The following ZC3H6 variants were observed in gnomAD, a reference collection of about 807,000 sequenced individuals.
The protein encoded by ZC3H6 is zinc finger CCCH domain-containing protein 6.
In ZC3H6, 40 loss-of-function variants were observed where a neutral mutation model predicts 107.7. The observed-to-expected ratio is 0.37, with a 90% CI of 0.29 to 0.48. The LOEUF is 0.48. ZC3H6 is among the 20% of genes least tolerant of loss of function. ZC3H6 has a pLI of 0.98. For synonymous variants in ZC3H6, 493 were observed against 487.9 expected, an observed-to-expected ratio of 1.01 and a Z score of -0.14; for missense variants, 1,267 against 1,410.4, an observed-to-expected ratio of 0.90 and a Z score of 1.63.
At chr2:112,328,413 AT>A (rs1676953574) in intron 11 of ZC3H6, among the ~76,000 whole-genome samples, 1 of 152,114 alleles carries the variant, frequency 6.6e-6, no homozygotes, top group South Asian at 2.1e-4. Context: ...GAATCTGTAG[AT>A]TGCTTTGGGT....
At chr2:112,287,814 G>C (rs1376674832) in intron 1 of ZC3H6, among the ~76,000 whole-genome samples, 2 of 152,236 alleles carry the variant, frequency 1.3e-5, no homozygotes, top group Non-Finnish European at 2.9e-5. Flanking sequence ...GTGTTAGCCA[G>C]GATGCTCTAG....
rs963233715 is a variant in ZC3H6, at chr2:112,336,476, A to C, written c.*3988A>C. 2.4e-4 allele frequency: 37 copies of C among 152,226 alleles called. No homozygotes were observed. The highest frequency in any genetic ancestry group is 8.7e-4 in the African/African-American group (36 of 41,464). 9.4% of individuals were successfully genotyped at this position (152,226 alleles called of 1,614,324 possible). ...TAAAATATATAAGCATTTGTAAACT[A>C]TAATTATAGTTTAAATAAGACTTAG... On this transcript the variant is annotated 3_prime_UTR_variant, in exon 12 of 12. Coordinates refer to ENST00000409871, the MANE Select transcript of ZC3H6 (RefSeq NM_198581.3).
At chr2:112,297,483 G>C (rs976181070) in intron 1 of ZC3H6, among the ~76,000 whole-genome samples, 3 of 152,128 alleles carry the variant, frequency 2.0e-5, no homozygotes, top group African/African-American at 7.2e-5. Context: ...AAACTATAGT[G>C]TTTTGGAAGT....
chr2:112,290,767 A>T (rs201513313), intron 1 of ZC3H6, among the ~76,000 whole-genome samples: 1 of 152,232 alleles, frequency 6.6e-6, no homozygotes. Flanking sequence ...ATGTCAGACA[A>T]TTGTGTACTT....
At chr2:112,291,864 C>T (rs1676126024) in intron 1 of ZC3H6, among the ~76,000 whole-genome samples, 2 of 151,906 alleles carry the variant, frequency 1.3e-5, no homozygotes, top group Admixed American at 1.3e-4. Context: ...ACTACAGGCA[C>T]CTGCCACCAC....
chr2:112,314,778 CAA>C (rs1676666137), intron 5 of ZC3H6, among the ~76,000 whole-genome samples: 1 of 152,082 alleles, frequency 6.6e-6, no homozygotes, highest in African/African-American at 2.4e-5. Flanking sequence ...GTTTGTGAAT[CAA>C]ATTTATATAG....
chr2:112,321,653 G>C, intron 7 of ZC3H6, 103 bp from the exon 8 acceptor site: 1 of 591,344 alleles, frequency 1.7e-6, no homozygotes, highest in Non-Finnish European at 2.9e-6. Flanking sequence ...TTACATAGCA[G>C]ATCTCTAGAA....
chr2:112,332,479 A>G lies in ZC3H6; in HGVS notation c.3561A>G (p.Pro1187=), dbSNP rs781621532. ...VFKTFDPTAS[P]FC ...AAACTTTTGATCCAACTGCTTCACC[A>G]TTTTGTTAGCTATTGTGTAACTGAG... The change falls in exon 12 of 12, where the codon CCA becomes CCG. Residue 1187 remains proline (P), a synonymous_variant. Transcript: ENST00000409871. 5.6e-6 allele frequency: 9 copies of G among 1,603,680 alleles called. No homozygotes were observed. Among genetic ancestry groups the G allele is most frequent in the Admixed American group, 1.7e-5 (1 of 58,850 alleles).
In ZC3H6 at chr2:112,275,943, G is replaced by A; in HGVS notation, c.-52G>A. 6.7e-7 allele frequency: 1 copy of A among 1,495,646 alleles called. No individual in the cohort carries two copies. Among genetic ancestry groups the A allele is most frequent in the Non-Finnish European group, 8.9e-7 (1 of 1,122,128 alleles). 92.6% of individuals were successfully genotyped at this position (1,495,646 alleles called of 1,614,324 possible). A position where few individuals can be genotyped will look rare whatever the true frequency, so the allele number is the denominator to read the frequency against. On this transcript the variant is annotated 5_prime_UTR_variant, in exon 1 of 12. Transcript: ENST00000409871. The stretch of plus-strand genomic sequence containing the variant: ...CGGGGGGTCTTCCCCGCGCCCCGCC[G>A]CCGCCGGCCTCGCAGACCTGCCCTC...
At chr2:112,289,202 C>T (rs1220545217) in intron 1 of ZC3H6, among the ~76,000 whole-genome samples, 1 of 151,838 alleles carries the variant, frequency 6.6e-6, no homozygotes, top group South Asian at 2.1e-4. Context: ...GACGGGGTTT[C>T]ACCATGTTGG....
chr2:112,316,949 C>T (rs1676708780), intron 6 of ZC3H6, among the ~76,000 whole-genome samples: 1 of 152,158 alleles, frequency 6.6e-6, no homozygotes, highest in African/African-American at 2.4e-5. Context: ...CATGGTAGCT[C>T]AGCAAGAAAT....
intron 7 of ZC3H6, among the ~76,000 whole-genome samples, chr2:112,317,885 C>A (rs1274800227): frequency 1.3e-5 from 2 of 152,176 alleles, no homozygotes; most frequent in African/African-American, 4.8e-5. Flanking sequence ...CCCCAAATAT[C>A]TGTCAGGTTG....
Position 112,331,587 on chromosome 2 carries a change from C to G in ZC3H6, c.2669C>G (p.Pro890Arg), listed in dbSNP as rs368685639. The G allele has an allele frequency of 1.2e-6, 2 of 1,613,808 alleles. No homozygotes were observed. Among genetic ancestry groups the G allele is most frequent in the African/African-American group, 2.7e-5 (2 of 74,908 alleles). ...GAAGACTTACTTCCAGTACCTTTAC[C>G]TAAACCTGATCCAGTGTCTTCAATC... is the stretch of plus-strand genomic sequence containing the variant. ...APEDLLPVPL[P>R]KPDPVSSINL... The change falls in exon 12 of 12, where the codon CCT becomes CGT. Residue 890 changes from proline to arginine, a missense_variant. Transcript: ENST00000409871.
chr2:112,334,856 C>A lies in ZC3H6; in HGVS notation c.*2368C>A, dbSNP rs7557862. 77,635 of 152,338 alleles carry A rather than the reference C, an allele frequency of 0.51. 21,952 individuals are homozygous for A. Among genetic ancestry groups the A allele is most frequent in the East Asian group, 0.77 (3,970 of 5,184 alleles). The allele number at this position is 152,338 out of a possible 1,614,324, so 9.4% of individuals were successfully genotyped here. A position where few individuals can be genotyped will look rare whatever the true frequency, so the allele number is the denominator to read the frequency against. On this transcript the variant is annotated 3_prime_UTR_variant, in exon 12 of 12. Coordinates refer to ENST00000409871, the MANE Select transcript of ZC3H6 (RefSeq NM_198581.3). ...TTAGGTCAATTGGTGTTTTTAGAATCCATGTAATTTGATTTGCACTGTTAG... is the reference window on the plus strand; with the variant it reads ...TTAGGTCAATTGGTGTTTTTAGAATACATGTAATTTGATTTGCACTGTTAG...
rs1676500545 is a variant in ZC3H6 at position 112,307,631 on chromosome 2, C to T, written c.337-2254C>T. On this transcript the variant is annotated intron_variant, in intron 3 of 11. Coordinates refer to ENST00000409871, the MANE Select transcript of ZC3H6 (RefSeq NM_198581.3). ...CTAGAAAAGCGGGGCTGCTCTGTCA[C>T]CCTTCATTCATTTCATGCTTCCTGG... Among the ~76,000 whole-genome samples the T allele has an allele frequency of 2.6e-5, 4 of 152,126 alleles. No individual in the cohort carries two copies. The South Asian group carries it at 8.3e-4, about 32-fold the overall frequency.
chr2:112,307,981 A>T (rs1676508966), intron 3 of ZC3H6, among the ~76,000 whole-genome samples: 2 of 152,220 alleles, frequency 1.3e-5, no homozygotes, highest in Admixed American at 6.5e-5. Flanking sequence ...TTCAATCATA[A>T]AGTGTTGAAA....
chr2:112,307,805 G>A (rs749070118), intron 3 of ZC3H6, among the ~76,000 whole-genome samples: 1 of 152,188 alleles, frequency 6.6e-6, no homozygotes, highest in Non-Finnish European at 1.5e-5. Flanking sequence ...TAGGGAGGAG[G>A]TAAATGAAAA....
chr2:112,282,041 T>A (rs1308189532), intron 1 of ZC3H6, among the ~76,000 whole-genome samples: 1 of 152,102 alleles, frequency 6.6e-6, no homozygotes. Flanking sequence ...TTGAAAGCAT[T>A]TAAGGCTTGA....
chr2:112,296,009 T>C (rs537164747), intron 1 of ZC3H6, among the ~76,000 whole-genome samples: 137 of 152,270 alleles, frequency 9.0e-4, no homozygotes, highest in African/African-American at 3.0e-3. Context: ...TAAACACTTA[T>C]AGATTTTTTT....
Sources: gnomAD v4.1 joint callset for allele counts (sites outside exome capture counted in the v4.1 genomes callset) on GRCh38, gnomAD v4.1.1 for gene constraint, MANE v1.5 for transcripts, NCBI Gene and HGNC (gene_info 2026-07-23, HGNC 2026-07-21) for gene names.